The following ADAMTSL1 variants were observed in gnomAD, a reference collection of about 807,000 sequenced individuals.
ADAMTSL1 encodes ADAMTS like 1.
Under a neutral mutation model 201.8 loss-of-function variants are expected in ADAMTSL1, and 126 were observed. The ratio of observed to expected loss-of-function variants is 0.62; its 90% CI spans 0.54 to 0.72. The LOEUF is 0.72. Among genes scored for constraint, ADAMTSL1 ranks in the 30% least tolerant of loss-of-function variants. The pLI, the probability that ADAMTSL1 is intolerant of heterozygous loss-of-function variation, is 0.00. For missense variants in ADAMTSL1, 2,679 were observed against 2,277.8 expected, an observed-to-expected ratio of 1.18 and a Z score of -3.59; for synonymous variants, 1,121 against 903.4, an observed-to-expected ratio of 1.24 and a Z score of -4.32.
intron 1 of ADAMTSL1, among the ~76,000 whole-genome samples, chr9:18,049,776 A>G (rs1032475454): frequency 1.3e-5 from 2 of 151,804 alleles, no homozygotes; most frequent in African/African-American, 4.8e-5. Context: ...GGCGCCCACC[A>G]CTGCGCCCAG....
intron 1 of ADAMTSL1, among the ~76,000 whole-genome samples, chr9:17,983,348 C>T (rs139180436): frequency 3.2e-4 from 48 of 152,176 alleles, no homozygotes; most frequent in African/African-American, 1.1e-3. Context: ...GGATTACAGG[C>T]GTGAGCCACC....
At chr9:18,173,369 C>A (rs916298746) in intron 2 of ADAMTSL1, among the ~76,000 whole-genome samples, 7 of 152,076 alleles carry the variant, frequency 4.6e-5, no homozygotes, top group Non-Finnish European at 5.9e-5. Context: ...ATCATGGGGC[C>A]TCCTATGAGT....
intron 2 of ADAMTSL1, among the ~76,000 whole-genome samples, chr9:18,525,186 A>G (rs997206359): frequency 6.6e-6 from 1 of 152,208 alleles, no homozygotes; most frequent in African/African-American, 2.4e-5. Context: ...GTATGTGTCC[A>G]GGAATTTATC....
chr9:18,156,717 T>C (rs1404479770), intron 1 of ADAMTSL1, among the ~76,000 whole-genome samples: 1 of 151,894 alleles, frequency 6.6e-6, no homozygotes, highest in Non-Finnish European at 1.5e-5. Flanking sequence ...GATAAAAATG[T>C]GCCCATCCAC....
chr9:18,461,096 G>C (rs1313375306), intron 2 of ADAMTSL1, among the ~76,000 whole-genome samples: 1 of 151,762 alleles, frequency 6.6e-6, no homozygotes, highest in African/African-American at 2.4e-5. Flanking sequence ...ATTTTTAAAG[G>C]GTATATTGCA....
At chr9:17,968,437 T>G (rs138582440) in intron 1 of ADAMTSL1, among the ~76,000 whole-genome samples, 14 of 152,230 alleles carry the variant, frequency 9.2e-5, no homozygotes, top group African/African-American at 3.4e-4. Context: ...CCCAATTATC[T>G]GGTTAGTTCA....
intron 1 of ADAMTSL1, among the ~76,000 whole-genome samples, chr9:18,059,820 T>C (rs760500219): frequency 6.6e-6 from 1 of 152,172 alleles, no homozygotes; most frequent in Non-Finnish European, 1.5e-5. Context: ...AAGAATGAAT[T>C]TGGCTTTTTT....
chr9:18,756,163 C>T (rs1398649617), intron 16 of ADAMTSL1, among the ~76,000 whole-genome samples: 1 of 128,814 alleles, frequency 7.8e-6, no homozygotes, highest in Non-Finnish European at 1.6e-5. Flanking sequence ...CCTGTAATCC[C>T]AGCTACTGTG....
At chr9:18,771,884 A>G (rs1820714099) in intron 17 of ADAMTSL1, among the ~76,000 whole-genome samples, 1 of 152,068 alleles carries the variant, frequency 6.6e-6, no homozygotes, top group Admixed American at 6.5e-5. Context: ...TTATCAACCC[A>G]CATAGAATTC....
chr9:18,380,235 T>A (rs142429791), intron 2 of ADAMTSL1, among the ~76,000 whole-genome samples: 1 of 152,248 alleles, frequency 6.6e-6, no homozygotes, highest in African/African-American at 2.4e-5. Context: ...AATTAGAGTA[T>A]GGGGGAAGAA....
chr9:18,409,877 T>C (rs1363887058), intron 2 of ADAMTSL1, among the ~76,000 whole-genome samples: 1 of 150,502 alleles, frequency 6.6e-6, no homozygotes, highest in African/African-American at 2.4e-5. Context: ...TGTATACATA[T>C]ATATAGTGAA....
At chr9:18,732,753 G>T (rs1307098894) in intron 15 of ADAMTSL1, among the ~76,000 whole-genome samples, 1 of 152,178 alleles carries the variant, frequency 6.6e-6, no homozygotes, top group African/African-American at 2.4e-5. Context: ...AAAAGGAAAA[G>T]CCACATCATG....
intron 3 of ADAMTSL1, among the ~76,000 whole-genome samples, chr9:18,555,845 A>T (rs1028927350): frequency 6.6e-6 from 1 of 151,990 alleles, no homozygotes; most frequent in African/African-American, 2.4e-5. Flanking sequence ...TACGAAGAAA[A>T]GAATCTAGAA....
At chr9:18,531,618 G>C (rs1228104389) in intron 2 of ADAMTSL1, among the ~76,000 whole-genome samples, 1 of 152,134 alleles carries the variant, frequency 6.6e-6, no homozygotes, top group Non-Finnish European at 1.5e-5. Context: ...TGTGTTGTCA[G>C]ATGACATTTT....
chr9:18,540,307 G>A (rs376511804), intron 3 of ADAMTSL1, among the ~76,000 whole-genome samples: 19 of 152,290 alleles, frequency 1.2e-4, no homozygotes, highest in African/African-American at 4.1e-4. Context: ...TTCATATAGT[G>A]AATGATTATG....
intron 15 of ADAMTSL1, among the ~76,000 whole-genome samples, chr9:18,737,680 G>A (rs1029788822): frequency 6.6e-6 from 1 of 152,212 alleles, no homozygotes; most frequent in East Asian, 1.9e-4. Context: ...TTAGTGACTA[G>A]GGTTGTAGAA....
rs1390216942 is a variant in ADAMTSL1, at chr9:18,134,626, T to C, written c.88-29236T>C. On this transcript the variant is annotated intron_variant, in intron 1 of 29. Transcript: ENST00000680146. Reference sequence around the variant, plus strand: ...CACACATTTGACACTGAAGAAGTACTGTTCTATGTAATGTACTCAAAACTT... The same window carrying C: ...CACACATTTGACACTGAAGAAGTACCGTTCTATGTAATGTACTCAAAACTT... 2.0e-5 allele frequency among the ~76,000 whole-genome samples: 3 copies of C among 152,236 alleles called. No individual in the cohort carries two copies. In the East Asian group the frequency reaches 5.8e-4, roughly 29 times the overall value.
intron 2 of ADAMTSL1, among the ~76,000 whole-genome samples, chr9:18,297,898 A>G (rs1833536224): frequency 6.6e-6 from 1 of 152,210 alleles, no homozygotes; most frequent in South Asian, 2.1e-4. Flanking sequence ...GTCATTTGGT[A>G]TCCTTTTGGA....
intron 14 of ADAMTSL1, 98 bp downstream of exon 14, chr9:18,707,146 T>G: frequency 1.4e-6 from 2 of 1,426,878 alleles, no homozygotes; most frequent in Non-Finnish European, 1.9e-6. Context: ...AATCCAAGAA[T>G]GATAAGCAGG....
Sources: allele counts gnomAD v4.1 joint callset (sites outside exome capture counted in the v4.1 genomes callset), GRCh38; gene constraint gnomAD v4.1.1; transcripts MANE v1.5; gene names NCBI Gene and HGNC (gene_info 2026-07-23, HGNC 2026-07-21).